CREB5: variants seen among roughly 807,000 people sequenced by gnomAD.
CREB5 encodes the protein cyclic AMP-responsive element-binding protein 5.
A neutral mutation model predicts 57.1 loss-of-function variants in CREB5; 19 were observed. That is an observed-to-expected ratio of 0.33 (90% CI 0.23 to 0.49). CREB5 has a LOEUF of 0.49. Ranked by LOEUF, CREB5 falls within the 20% of genes least tolerant of loss-of-function variation. The pLI is 0.99. For missense variants in CREB5, 579 were observed against 671.6 expected (o/e 0.86, Z 1.52); for synonymous variants, 238 against 238.3 (o/e 1.00, Z 0.01).
chr7:28,725,532 G>A (rs10258977), intron 7 of CREB5, among the ~76,000 whole-genome samples: 2,546 of 152,044 alleles, frequency 0.017, 25 homozygotes, highest in Non-Finnish European at 0.028. Flanking sequence ...TTTGGAATGG[G>A]CAAATATTTT....
chr7:28,356,546 G>A (rs780481045), intron 1 of CREB5, among the ~76,000 whole-genome samples: 2 of 152,186 alleles, frequency 1.3e-5, no homozygotes, highest in Admixed American at 6.5e-5. Flanking sequence ...TTTTGGGGGC[G>A]AACGTGATAA....
intron 4 of CREB5, among the ~76,000 whole-genome samples, chr7:28,537,038 A>G (rs542893828): frequency 3.9e-4 from 59 of 152,362 alleles, no homozygotes; most frequent in African/African-American, 1.4e-3. Context: ...CTTAATGCTT[A>G]CAGTCCTATT....
At chr7:28,367,073 C>T (rs1336486047) in intron 1 of CREB5, among the ~76,000 whole-genome samples, 3 of 152,180 alleles carry the variant, frequency 2.0e-5, no homozygotes, top group African/African-American at 7.2e-5. Flanking sequence ...CTTAAGACCC[C>T]TGGTTTTTCT....
intron 1 of CREB5, among the ~76,000 whole-genome samples, chr7:28,366,731 C>G (rs1235476642): frequency 1.3e-5 from 2 of 152,180 alleles, no homozygotes; most frequent in Non-Finnish European, 2.9e-5. Context: ...TTCTGCAAAT[C>G]CTTGTGTAAG....
intron 1 of CREB5, among the ~76,000 whole-genome samples, chr7:28,352,055 A>C (rs1786199584): frequency 6.6e-6 from 1 of 152,238 alleles, no homozygotes; most frequent in Admixed American, 6.5e-5. Flanking sequence ...TTTGAGGCTT[A>C]ATATTCTGTT....
At chr7:28,590,580 T>C (rs918906643) in intron 5 of CREB5, among the ~76,000 whole-genome samples, 1 of 148,822 alleles carries the variant, frequency 6.7e-6, no homozygotes, top group Non-Finnish European at 1.5e-5. Context: ...CTAATGTAAA[T>C]GACGAGTTAA....
chr7:28,551,869 TTTTTCTTTCTTTC>T (rs1343926352), intron 4 of CREB5, among the ~76,000 whole-genome samples: 1 of 120,414 alleles, frequency 8.3e-6, no homozygotes, highest in African/African-American at 2.8e-5. Flanking sequence ...TCTTTCTTTC[TTTTTCTTTCTTTC>T]TTTTCTTTCT....
chr7:28,685,996 G>C (rs1562570768), intron 5 of CREB5: 2 of 718,730 alleles, frequency 2.8e-6, no homozygotes, highest in Non-Finnish European at 4.6e-6. Flanking sequence ...GCAAGTGAGC[G>C]AGAGCCCAGC....
At chr7:28,406,943 A>C (rs905840118) in intron 1 of CREB5, among the ~76,000 whole-genome samples, 2 of 152,052 alleles carry the variant, frequency 1.3e-5, no homozygotes, top group African/African-American at 4.8e-5. Flanking sequence ...AAAATCACCA[A>C]ATGCCCACCT....
intron 5 of CREB5, among the ~76,000 whole-genome samples, chr7:28,669,997 A>T (rs1311559464): frequency 6.6e-6 from 1 of 152,192 alleles, no homozygotes; most frequent in Non-Finnish European, 1.5e-5. Flanking sequence ...CCGTGTTCTC[A>T]TGTTCTCTGC....
chr7:28,625,178 C>T (rs1036964940), intron 5 of CREB5, among the ~76,000 whole-genome samples: 2 of 152,146 alleles, frequency 1.3e-5, no homozygotes, highest in African/African-American at 4.8e-5. Flanking sequence ...AGTTACAGGG[C>T]TAGTACCTGT....
At chr7:28,442,284 A>G (rs190460451) in intron 1 of CREB5, among the ~76,000 whole-genome samples, 12 of 152,112 alleles carry the variant, frequency 7.9e-5, no homozygotes, top group African/African-American at 2.4e-4. Flanking sequence ...ATTCTTTTTT[A>G]TGACTGAATA....
intron 5 of CREB5, among the ~76,000 whole-genome samples, chr7:28,706,734 C>T (rs1383935478): frequency 6.6e-6 from 1 of 152,126 alleles, no homozygotes; most frequent in Non-Finnish European, 1.5e-5. Context: ...CAAGGTAGCT[C>T]AGGGAAGGTT....
intron 5 of CREB5, among the ~76,000 whole-genome samples, chr7:28,651,664 C>A (rs1318164905): frequency 1.3e-5 from 2 of 152,302 alleles, no homozygotes; most frequent in East Asian, 3.9e-4. Flanking sequence ...GCACTTGATA[C>A]CAACATGTGT....
intron 5 of CREB5, among the ~76,000 whole-genome samples, chr7:28,583,994 C>A (rs918538520): frequency 1.3e-5 from 2 of 152,044 alleles, no homozygotes; most frequent in Non-Finnish European, 2.9e-5. Flanking sequence ...CCACCTTCAA[C>A]CTGCACACTT....
At chr7:28,781,890 G>C (rs1302517977) in intron 7 of CREB5, among the ~76,000 whole-genome samples, 1 of 151,458 alleles carries the variant, frequency 6.6e-6, no homozygotes, top group African/African-American at 2.4e-5. Flanking sequence ...AACTTTACTA[G>C]AGATGTTGCT....
intron 5 of CREB5, among the ~76,000 whole-genome samples, chr7:28,624,751 C>T (rs2128688524): frequency 6.7e-6 from 1 of 150,244 alleles, no homozygotes; most frequent in Admixed American, 6.6e-5. Flanking sequence ...ACTCGCTGAA[C>T]TTCTGTTAAT....
At chr7:28,731,595 G>A (rs2128751776) in intron 7 of CREB5, among the ~76,000 whole-genome samples, 1 of 152,308 alleles carries the variant, frequency 6.6e-6, no homozygotes, top group African/African-American at 2.4e-5. Context: ...ATGGAAGAAG[G>A]AGAATTAGAA....
chr7:28,538,028 G>C (rs538186918), intron 4 of CREB5, among the ~76,000 whole-genome samples: 5 of 147,776 alleles, frequency 3.4e-5, no homozygotes, highest in Non-Finnish European at 7.4e-5. Flanking sequence ...TATGGTTTTT[G>C]TTGTTGTTGT....
Sources: allele counts gnomAD v4.1 joint callset (sites outside exome capture counted in the v4.1 genomes callset), GRCh38; gene constraint gnomAD v4.1.1; transcripts MANE v1.5; gene names NCBI Gene and HGNC (gene_info 2026-07-23, HGNC 2026-07-21).